LINGO2: variants seen among roughly 807,000 people sequenced by gnomAD.
LINGO2 encodes leucine-rich repeat and immunoglobulin-like domain-containing nogo receptor-interacting protein 2.
LINGO2 carries 14 observed loss-of-function variants against 30.6 expected under a neutral mutation model. The observed-to-expected ratio is 0.46, with a 90% confidence interval of 0.30 to 0.72. LINGO2 has a LOEUF of 0.72. Ranked by LOEUF, LINGO2 falls within the 30% of genes least tolerant of loss-of-function variation. The pLI, the probability that LINGO2 is intolerant of heterozygous loss-of-function variation, is 0.07. For synonymous variants in LINGO2, 317 were observed against 288.5 expected (o/e 1.10, Z -1.00); for missense variants, 729 against 751.7 (o/e 0.97, Z 0.35).
At chr9:28,179,559 T>C (rs1454123743) in intron 4 of LINGO2, among the ~76,000 whole-genome samples, 1 of 140,166 alleles carries the variant, frequency 7.1e-6, no homozygotes, top group East Asian at 2.0e-4. Context: ...ATATATACTA[T>C]AGAGTATGTA....
intron 5 of LINGO2, among the ~76,000 whole-genome samples, chr9:27,984,533 T>C (rs1273439243): frequency 6.6e-6 from 1 of 151,826 alleles, no homozygotes; most frequent in Non-Finnish European, 1.5e-5. Context: ...GCCTGAGCTC[T>C]GGGCTCTGGA....
the LINGO2 span, among the ~76,000 whole-genome samples, chr9:28,937,828 G>C: frequency 6.6e-6 from 1 of 152,008 alleles, no homozygotes; most frequent in Non-Finnish European, 1.5e-5. Flanking sequence ...AGGGGTACAA[G>C]GGCAAGTTTG....
chr9:29,172,579 A>C, the LINGO2 span, among the ~76,000 whole-genome samples: 1 of 152,064 alleles, frequency 6.6e-6, no homozygotes, highest in South Asian at 2.1e-4. Context: ...AATTAAATAT[A>C]AATAAAATTG....
At chr9:28,741,636 C>T in the LINGO2 span, among the ~76,000 whole-genome samples, 1 of 151,914 alleles carries the variant, frequency 6.6e-6, no homozygotes, top group African/African-American at 2.4e-5. Context: ...GAAACCTAGT[C>T]TGTTGGACAG....
chr9:28,851,259 A>T, the LINGO2 span, among the ~76,000 whole-genome samples: 1 of 152,062 alleles, frequency 6.6e-6, no homozygotes, highest in South Asian at 2.1e-4. Flanking sequence ...TAGAAAGAAG[A>T]TGACCCATTT....
chr9:27,996,119 T>C (rs1821649953), intron 5 of LINGO2, among the ~76,000 whole-genome samples: 1 of 151,988 alleles, frequency 6.6e-6, no homozygotes, highest in Non-Finnish European at 1.5e-5. Flanking sequence ...ATGGCTATTA[T>C]CAAAAAGACA....
At chr9:28,358,332 G>C (rs1250701544) in intron 3 of LINGO2, among the ~76,000 whole-genome samples, 2 of 152,064 alleles carry the variant, frequency 1.3e-5, no homozygotes, top group Non-Finnish European at 2.9e-5. Context: ...AGGAAGCCTG[G>C]CTCCAGGATT....
chr9:28,866,408 A>C, the LINGO2 span, among the ~76,000 whole-genome samples: 1 of 152,124 alleles, frequency 6.6e-6, no homozygotes, highest in Non-Finnish European at 1.5e-5. Flanking sequence ...GATTTGAAAA[A>C]TAAGGTCCCT....
chr9:29,136,491 G>A, the LINGO2 span, among the ~76,000 whole-genome samples: 1 of 152,062 alleles, frequency 6.6e-6, no homozygotes, highest in Non-Finnish European at 1.5e-5. Context: ...AAATCAAATT[G>A]ATATCTAATA....
chr9:28,596,491 C>G (rs148798142), intron 1 of LINGO2, among the ~76,000 whole-genome samples: 3 of 152,036 alleles, frequency 2.0e-5, no homozygotes, highest in Non-Finnish European at 1.5e-5. Flanking sequence ...AAAATCAATT[C>G]TTAGTAGAGA....
intron 4 of LINGO2, among the ~76,000 whole-genome samples, chr9:28,066,273 AGAGAAAAAGTTTG>A (rs1190014535): frequency 6.6e-6 from 1 of 152,114 alleles, no homozygotes; most frequent in East Asian, 1.9e-4. Context: ...GATCAGCAAC[AGAGAAAAAGTTTG>A]GAGAAATGTC....
the LINGO2 span, among the ~76,000 whole-genome samples, chr9:29,181,277 G>A: frequency 6.6e-6 from 1 of 152,132 alleles, no homozygotes; most frequent in African/African-American, 2.4e-5. Context: ...GAGTTACTAT[G>A]AAAATCACCA....
chr9:28,708,435 T>A, the LINGO2 span, among the ~76,000 whole-genome samples: 1 of 152,160 alleles, frequency 6.6e-6, no homozygotes, highest in African/African-American at 2.4e-5. Flanking sequence ...TTTATCTGTC[T>A]GCCTTAGCTG....
chr9:28,094,520 T>C (rs561867508), intron 4 of LINGO2, among the ~76,000 whole-genome samples: 163 of 151,208 alleles, frequency 1.1e-3, no homozygotes, highest in South Asian at 6.0e-3. Context: ...GATATGTGTG[T>C]GTGTGTGTGA....
chr9:28,962,579 A>T, the LINGO2 span, among the ~76,000 whole-genome samples: 1 of 151,932 alleles, frequency 6.6e-6, no homozygotes, highest in Non-Finnish European at 1.5e-5. Flanking sequence ...TTGTATACAC[A>T]TAAATTTTAA....
chr9:29,087,571 C>T, the LINGO2 span, among the ~76,000 whole-genome samples: 1 of 152,168 alleles, frequency 6.6e-6, no homozygotes, highest in Non-Finnish European at 1.5e-5. Context: ...ATAGACCACA[C>T]TGTTTCCCAA....
the LINGO2 span, among the ~76,000 whole-genome samples, chr9:29,114,890 C>CTAAG: frequency 6.6e-6 from 1 of 151,964 alleles, no homozygotes; most frequent in Non-Finnish European, 1.5e-5. Context: ...TACGGATGAA[C>CTAAG]TAAGTGGCTG....
At chr9:28,015,013 G>A (rs1339141250) in intron 4 of LINGO2, among the ~76,000 whole-genome samples, 1 of 152,114 alleles carries the variant, frequency 6.6e-6, no homozygotes, top group Non-Finnish European at 1.5e-5. Flanking sequence ...AGTTCCTGAA[G>A]TGAATAATTT....
chr9:28,792,140 A>G, the LINGO2 span, among the ~76,000 whole-genome samples: 1 of 151,868 alleles, frequency 6.6e-6, no homozygotes, highest in Non-Finnish European at 1.5e-5. Context: ...TTATTCAATA[A>G]ATACATTTTC....
Sources: allele counts gnomAD v4.1 joint callset (sites outside exome capture counted in the v4.1 genomes callset), GRCh38; gene constraint gnomAD v4.1.1; transcripts MANE v1.5; gene names NCBI Gene and HGNC (gene_info 2026-07-23, HGNC 2026-07-21).